Variants in ADGRL3 observed in about 807,000 individuals in gnomAD.
ADGRL3 encodes adhesion G protein-coupled receptor L3, also known as calcium-independent alpha-latrotoxin receptor 3.
Under a neutral mutation model 153.5 loss-of-function variants are expected in ADGRL3, and 62 were observed. That is an observed-to-expected ratio of 0.40 (90% CI 0.33 to 0.50). ADGRL3 has a LOEUF of 0.50. ADGRL3 is among the 20% of genes least tolerant of loss of function. ADGRL3 has a pLI of 0.47. For synonymous variants in ADGRL3, 710 were observed against 672.5 expected (o/e 1.06, Z -0.86); for missense variants, 1,641 against 1,859.4 (o/e 0.88, Z 2.16).
chr4:61,226,829 A>G (rs1219294535), intron 1 of ADGRL3, among the ~76,000 whole-genome samples: 1 of 152,172 alleles, frequency 6.6e-6, no homozygotes, highest in Non-Finnish European at 1.5e-5. Context: ...TCTTTACAAA[A>G]ATCCAACCCT....
At chr4:61,270,895 C>A (rs1051955757) in intron 1 of ADGRL3, among the ~76,000 whole-genome samples, 2 of 151,736 alleles carry the variant, frequency 1.3e-5, no homozygotes, top group East Asian at 1.9e-4. Context: ...GGGTAATATT[C>A]ATATGGCACT....
rs1206694285 is a variant in ADGRL3, at chr4:62,074,957, A to C, written c.*4049A>C. 1 of 152,178 alleles carries C rather than the reference A, an allele frequency of 6.6e-6. No individual in the cohort carries two copies. Among genetic ancestry groups the C allele is most frequent in the African/African-American group, 2.4e-5 (1 of 41,466 alleles). The allele number at this position is 152,178 out of a possible 1,614,324, so 9.4% of individuals were successfully genotyped here. A position where few individuals can be genotyped will look rare whatever the true frequency, so the allele number is the denominator to read the frequency against. ...TGTCTTCAGCTTCCCTGGACCCCCAACACATGTTGAAATGTTATTGACTAG... is the reference window on the plus strand; with the variant it reads ...TGTCTTCAGCTTCCCTGGACCCCCACCACATGTTGAAATGTTATTGACTAG... On this transcript the variant is annotated 3_prime_UTR_variant, in exon 27 of 27. Transcript: ENST00000683033.
At chr4:61,220,496 GAATT>G (rs1744981637) in intron 1 of ADGRL3, among the ~76,000 whole-genome samples, 1 of 152,132 alleles carries the variant, frequency 6.6e-6, no homozygotes, top group African/African-American at 2.4e-5. Context: ...AAGATGGTGA[GAATT>G]AAATTCAGTC....
At chr4:61,691,974 G>A (rs1466869294) in intron 6 of ADGRL3, among the ~76,000 whole-genome samples, 1 of 152,086 alleles carries the variant, frequency 6.6e-6, no homozygotes, top group Non-Finnish European at 1.5e-5. Flanking sequence ...AATGACTTAG[G>A]AGACGACAGC....
At chr4:61,244,688 A>T (rs1756342564) in intron 1 of ADGRL3, among the ~76,000 whole-genome samples, 1 of 152,010 alleles carries the variant, frequency 6.6e-6, no homozygotes, top group Non-Finnish European at 1.5e-5. Context: ...CCATAAAAAC[A>T]CAATCTCTGA....
chr4:61,715,629 TATCTA>T (rs1167283679), intron 6 of ADGRL3, among the ~76,000 whole-genome samples: 1 of 152,154 alleles, frequency 6.6e-6, no homozygotes, highest in Non-Finnish European at 1.5e-5. Flanking sequence ...TTCTGGCATG[TATCTA>T]ATCAGTGATA....
intron 2 of ADGRL3, among the ~76,000 whole-genome samples, chr4:61,465,643 G>A (rs1045379878): frequency 2.0e-5 from 3 of 150,472 alleles, no homozygotes; most frequent in Admixed American, 6.6e-5. Context: ...ACTGCTAAAT[G>A]ATAAGAATTT....
chr4:61,846,994 A>G (rs919052502), intron 9 of ADGRL3, among the ~76,000 whole-genome samples: 5 of 143,362 alleles, frequency 3.5e-5, no homozygotes, highest in African/African-American at 8.3e-5. Context: ...ATATGTATAT[A>G]TATATATTAG....
At chr4:61,432,380 C>T (rs2097365610) in intron 2 of ADGRL3, among the ~76,000 whole-genome samples, 1 of 152,090 alleles carries the variant, frequency 6.6e-6, no homozygotes, top group South Asian at 2.1e-4. Flanking sequence ...TTTTGAAAGA[C>T]AAGAGAAGCC....
chr4:61,848,770 A>G (rs533150848), intron 9 of ADGRL3, among the ~76,000 whole-genome samples: 1 of 152,256 alleles, frequency 6.6e-6, no homozygotes, highest in Non-Finnish European at 1.5e-5. Context: ...AAATGATCAA[A>G]CTTTCTAAAG....
At chr4:61,567,846 C>T (rs2098822775) in intron 4 of ADGRL3, among the ~76,000 whole-genome samples, 1 of 152,000 alleles carries the variant, frequency 6.6e-6, no homozygotes, top group African/African-American at 2.4e-5. Flanking sequence ...ATTAACTGGC[C>T]CATTATTAAG....
chr4:61,484,824 A>G (rs1387640168), intron 2 of ADGRL3, among the ~76,000 whole-genome samples: 7 of 152,182 alleles, frequency 4.6e-5, no homozygotes, highest in African/African-American at 1.7e-4. Flanking sequence ...TCAATCATCT[A>G]TTTTAAAAGT....
At chr4:61,754,771 C>T (rs913415949) in intron 8 of ADGRL3, among the ~76,000 whole-genome samples, 25 of 152,072 alleles carry the variant, frequency 1.6e-4, no homozygotes, top group Admixed American at 4.6e-4. Flanking sequence ...CTTCCCCCCT[C>T]CCCCCACACC....
At chr4:62,023,430 G>T (rs2099247124) in intron 21 of ADGRL3, among the ~76,000 whole-genome samples, 1 of 152,132 alleles carries the variant, frequency 6.6e-6, no homozygotes, top group Admixed American at 6.6e-5. Flanking sequence ...CGTTGAGAAA[G>T]CAGCAACAAG....
chr4:61,973,834 C>T (rs1581700774), intron 17 of ADGRL3, among the ~76,000 whole-genome samples: 1 of 152,072 alleles, frequency 6.6e-6, no homozygotes, highest in Admixed American at 6.6e-5. Context: ...GAAAAGTATA[C>T]AAATGAATTA....
chr4:61,869,052 C>T (rs2149357902), intron 9 of ADGRL3, among the ~76,000 whole-genome samples: 1 of 152,246 alleles, frequency 6.6e-6, no homozygotes, highest in African/African-American at 2.4e-5. Flanking sequence ...AAGTGATCCT[C>T]CCACTTCAGC....
chr4:61,330,521 C>A (rs1024353418), intron 1 of ADGRL3, among the ~76,000 whole-genome samples: 2 of 152,108 alleles, frequency 1.3e-5, no homozygotes, highest in African/African-American at 4.8e-5. Context: ...CACACAGCAG[C>A]AGATTATGGG....
At chr4:61,711,899 G>A (rs2095999895) in intron 6 of ADGRL3, among the ~76,000 whole-genome samples, 1 of 151,960 alleles carries the variant, frequency 6.6e-6, no homozygotes, top group African/African-American at 2.4e-5. Flanking sequence ...ATGTACAGGA[G>A]CAGCTTTGGG....
intron 4 of ADGRL3, among the ~76,000 whole-genome samples, chr4:61,557,818 T>G (rs2098774238): frequency 6.6e-6 from 1 of 151,716 alleles, no homozygotes; most frequent in African/African-American, 2.4e-5. Context: ...GTTTGATTGG[T>G]TTTGTTTGTT....
Sources: allele counts gnomAD v4.1 joint callset (sites outside exome capture counted in the v4.1 genomes callset), GRCh38; gene constraint gnomAD v4.1.1; transcripts MANE v1.5; gene names NCBI Gene and HGNC (gene_info 2026-07-23, HGNC 2026-07-21).